The following CSMD1 variants were observed in gnomAD, a reference collection of about 807,000 sequenced individuals.
CSMD1 encodes the protein CUB and sushi domain-containing protein 1.
In CSMD1, 213 loss-of-function variants were observed where a neutral mutation model predicts 417.5. The ratio of observed to expected loss-of-function variants is 0.51; its 90% CI spans 0.46 to 0.57. The LOEUF (loss-of-function observed/expected upper bound fraction) is 0.57. CSMD1 is among the 20% of genes least tolerant of loss of function. The pLI is 0.00. For synonymous variants in CSMD1, 2,862 were observed against 1,736.8 expected, an observed-to-expected ratio of 1.65 and a Z score of -16.11; for missense variants, 6,923 against 4,529.7, an observed-to-expected ratio of 1.53 and a Z score of -15.17.
At chr8:4,724,431 T>C (rs1279505406) in intron 1 of CSMD1, among the ~76,000 whole-genome samples, 5 of 151,960 alleles carry the variant, frequency 3.3e-5, no homozygotes, top group Non-Finnish European at 7.4e-5. Context: ...AATATACAAA[T>C]AACAGATTCA....
At chr8:4,932,451 G>T (rs1411615418) in intron 1 of CSMD1, among the ~76,000 whole-genome samples, 2 of 152,032 alleles carry the variant, frequency 1.3e-5, no homozygotes, top group Non-Finnish European at 2.9e-5. Context: ...CTGCCAGTTT[G>T]TCTTAAAGAG....
In CSMD1 at chr8:3,669,030, T is replaced by A. The variant is rs114177543; in HGVS notation, c.1009+39384A>T. Among the ~76,000 whole-genome samples, 622 of 152,252 alleles carry A rather than the reference T, an allele frequency of 4.1e-3. 4 individuals carry two copies. The highest frequency in any genetic ancestry group is 0.013 in the African/African-American group (555 of 41,546). Reference sequence around the variant, plus strand: ...TTTCATTAAACAGACGTTATACCTTTAGAGTTTACCTTAACCTGTCTTCAA... The same window carrying A: ...TTTCATTAAACAGACGTTATACCTTAAGAGTTTACCTTAACCTGTCTTCAA... On this transcript the variant is annotated intron_variant, in intron 7 of 69. Coordinates refer to ENST00000635120, the MANE Select transcript of CSMD1 (RefSeq NM_033225.6).
intron 10 of CSMD1, among the ~76,000 whole-genome samples, chr8:3,532,736 T>A (rs1046940365): frequency 6.6e-6 from 1 of 152,222 alleles, no homozygotes; most frequent in Admixed American, 6.5e-5. Context: ...CAGTATGTCA[T>A]ATCTATTGAT....
At position 4,388,321 on chromosome 8, in the gene CSMD1, GACAC is replaced by G. The variant is rs71205453; in HGVS notation, c.415+31628_415+31631del. Among the ~76,000 whole-genome samples the G allele has an allele frequency of 2.3e-4, 22 of 95,596 alleles. 1 individual carries two copies. Among genetic ancestry groups the G allele is most frequent in the Middle Eastern group, 9.5e-3 (2 of 210 alleles). The allele number at this position is 95,596 out of a possible 152,430, so 62.7% of individuals were successfully genotyped here. On this transcript the variant is annotated intron_variant, in intron 3 of 69. Coordinates refer to ENST00000635120, the MANE Select transcript of CSMD1 (RefSeq NM_033225.6). ...ACTGTGATACACACACACACACACA[GACAC>G]ACACACACACACACACACACGAACA...
At chr8:4,524,878 T>C (rs2130420741) in intron 2 of CSMD1, among the ~76,000 whole-genome samples, 1 of 152,312 alleles carries the variant, frequency 6.6e-6, no homozygotes, top group South Asian at 2.1e-4. Flanking sequence ...AATTTTACCA[T>C]GACTTCTAAG....
At chr8:3,464,087 C>A (rs1043909696) in intron 12 of CSMD1, among the ~76,000 whole-genome samples, 6 of 152,330 alleles carry the variant, frequency 3.9e-5, no homozygotes, top group African/African-American at 1.2e-4. Flanking sequence ...TACAGCAGCA[C>A]ATCACAGGAA....
At chr8:3,430,918 A>T (rs1188606278) in intron 12 of CSMD1, among the ~76,000 whole-genome samples, 1 of 152,236 alleles carries the variant, frequency 6.6e-6, no homozygotes, top group Non-Finnish European at 1.5e-5. Context: ...ATAATATTCT[A>T]AGCATTGAAT....
At chr8:3,486,134 T>C (rs1416574562) in intron 11 of CSMD1, among the ~76,000 whole-genome samples, 2 of 152,212 alleles carry the variant, frequency 1.3e-5, no homozygotes, top group African/African-American at 4.8e-5. Context: ...CCTTGTTTCT[T>C]TCTGTTATAT....
At chr8:3,570,448 C>G (rs1174327793) in intron 10 of CSMD1, among the ~76,000 whole-genome samples, 1 of 152,096 alleles carries the variant, frequency 6.6e-6, no homozygotes, top group Non-Finnish European at 1.5e-5. Context: ...ATATGTCTTC[C>G]ATCTCTAGCC....
chr8:3,630,760 C>T (rs1019541243), intron 7 of CSMD1, among the ~76,000 whole-genome samples: 1 of 152,160 alleles, frequency 6.6e-6, no homozygotes, highest in African/African-American at 2.4e-5. Flanking sequence ...ACGGTGGTAG[C>T]ACTCACCATG....
chr8:4,764,454 T>A (rs1812312283), intron 1 of CSMD1, among the ~76,000 whole-genome samples: 1 of 152,196 alleles, frequency 6.6e-6, no homozygotes, highest in Non-Finnish European at 1.5e-5. Context: ...TAATTTTACG[T>A]TATCGTCTGT....
chr8:4,180,934 C>G (rs981787166), intron 3 of CSMD1, among the ~76,000 whole-genome samples: 3 of 151,986 alleles, frequency 2.0e-5, no homozygotes, highest in Non-Finnish European at 2.9e-5. Flanking sequence ...CCAAAATTGC[C>G]CCACTCTGTT....
intron 7 of CSMD1, among the ~76,000 whole-genome samples, chr8:3,681,996 A>T (rs947850777): frequency 6.6e-6 from 1 of 152,220 alleles, no homozygotes; most frequent in Non-Finnish European, 1.5e-5. Context: ...ATATGTAGAA[A>T]GGTGAAACTG....
At chr8:4,505,432 T>C (rs1802467824) in intron 2 of CSMD1, among the ~76,000 whole-genome samples, 1 of 152,170 alleles carries the variant, frequency 6.6e-6, no homozygotes. Flanking sequence ...TGAAACAAAA[T>C]ATCTCGATTT....
chr8:4,458,563 G>A (rs553243914), intron 2 of CSMD1, among the ~76,000 whole-genome samples: 2 of 152,038 alleles, frequency 1.3e-5, no homozygotes, highest in South Asian at 2.1e-4. Flanking sequence ...GTTACTCTTT[G>A]AAAGACATTG....
chr8:4,759,213 C>T (rs1389045053), intron 1 of CSMD1, among the ~76,000 whole-genome samples: 2 of 152,162 alleles, frequency 1.3e-5, no homozygotes, highest in Non-Finnish European at 2.9e-5. Flanking sequence ...GCCAGAGGCT[C>T]TGGTCTCTTT....
intron 3 of CSMD1, among the ~76,000 whole-genome samples, chr8:4,179,034 A>G (rs1284057730): frequency 6.6e-6 from 1 of 152,188 alleles, no homozygotes; most frequent in Non-Finnish European, 1.5e-5. Context: ...TGCCATCCCC[A>G]TCAAGCTACC....
At chr8:3,846,011 T>C (rs76996693) in intron 5 of CSMD1, among the ~76,000 whole-genome samples, 1,741 of 152,162 alleles carry the variant, frequency 0.011, 37 homozygotes, top group African/African-American at 0.04. Context: ...GAACAATGCC[T>C]TCTGGACATC....
At chr8:4,017,372 C>A (rs1281979014) in intron 4 of CSMD1, among the ~76,000 whole-genome samples, 1 of 152,140 alleles carries the variant, frequency 6.6e-6, no homozygotes, top group Non-Finnish European at 1.5e-5. Flanking sequence ...ATGGTGCGAT[C>A]TTGGCTCACT....
Sources: allele counts gnomAD v4.1 joint callset (sites outside exome capture counted in the v4.1 genomes callset), GRCh38; gene constraint gnomAD v4.1.1; transcripts MANE v1.5; gene names NCBI Gene and HGNC (gene_info 2026-07-23, HGNC 2026-07-21).